The following ZMAT4 variants were observed in gnomAD, a reference collection of about 807,000 sequenced individuals.
The protein encoded by ZMAT4 is zinc finger matrin-type protein 4.
In ZMAT4, 17 loss-of-function variants were observed where a neutral mutation model predicts 28.7. The observed-to-expected ratio is 0.59, with a 90% CI of 0.41 to 0.89. The LOEUF (loss-of-function observed/expected upper bound fraction) is 0.89, where lower values mean the gene tolerates loss of function less well. Among genes scored for constraint, ZMAT4 ranks in the 40% least tolerant of loss-of-function variants. The pLI, the probability that ZMAT4 is intolerant of heterozygous loss-of-function variation, is 0.00. For missense variants in ZMAT4, 240 were observed against 283.8 expected, an observed-to-expected ratio of 0.85 and a Z score of 1.11; for synonymous variants, 117 against 109.2, an observed-to-expected ratio of 1.07 and a Z score of -0.44.
At chr8:40,764,826 A>ATAT (rs1000259502) in intron 3 of ZMAT4, among the ~76,000 whole-genome samples, 5 of 151,872 alleles carry the variant, frequency 3.3e-5, no homozygotes, top group African/African-American at 9.7e-5. Context: ...TATACCTTCG[A>ATAT]TATTATTATT....
intron 6 of ZMAT4, among the ~76,000 whole-genome samples, chr8:40,533,525 G>T (rs1322887451): frequency 6.6e-6 from 1 of 152,156 alleles, no homozygotes; most frequent in Non-Finnish European, 1.5e-5. Flanking sequence ...TGTCTCACTG[G>T]CAGTCTGGTA....
chr8:40,565,493 A>G (rs1351151733), intron 6 of ZMAT4, among the ~76,000 whole-genome samples: 2 of 149,990 alleles, frequency 1.3e-5, no homozygotes, highest in African/African-American at 4.9e-5. Context: ...TCTCCTGCCT[A>G]AGGCTCATGA....
chr8:40,666,471 C>G (rs973805772), intron 5 of ZMAT4, among the ~76,000 whole-genome samples: 1 of 151,832 alleles, frequency 6.6e-6, no homozygotes, highest in Non-Finnish European at 1.5e-5. Context: ...ATTTGATTTG[C>G]TACTTGAAGC....
intron 2 of ZMAT4, among the ~76,000 whole-genome samples, chr8:40,812,472 G>A (rs1157401090): frequency 6.6e-6 from 1 of 152,164 alleles, no homozygotes; most frequent in Non-Finnish European, 1.5e-5. Flanking sequence ...TATTGTCAAG[G>A]TCATCCAAAA....
intron 3 of ZMAT4, among the ~76,000 whole-genome samples, chr8:40,759,121 A>C (rs1321773259): frequency 6.6e-6 from 1 of 151,954 alleles, no homozygotes; most frequent in Admixed American, 6.6e-5. Flanking sequence ...GTCTCTACTA[A>C]AATTACAAAA....
intron 5 of ZMAT4, among the ~76,000 whole-genome samples, chr8:40,633,324 C>T (rs985056295): frequency 6.6e-6 from 1 of 152,152 alleles, no homozygotes; most frequent in African/African-American, 2.4e-5. Context: ...AGAGTTCTCC[C>T]AGGGCAGAAA....
chr8:40,822,006 T>G (rs912723999), intron 2 of ZMAT4, among the ~76,000 whole-genome samples: 16 of 152,248 alleles, frequency 1.1e-4, no homozygotes, highest in Non-Finnish European at 1.9e-4. Flanking sequence ...TAAATGATGC[T>G]TCCCTCTTTT....
At chr8:40,654,252 G>A (rs1010206106) in intron 5 of ZMAT4, among the ~76,000 whole-genome samples, 3 of 152,100 alleles carry the variant, frequency 2.0e-5, no homozygotes, top group African/African-American at 7.2e-5. Flanking sequence ...ATACAGTCAA[G>A]TCCCCTCTCT....
At chr8:40,847,001 G>A (rs1816925830) in intron 1 of ZMAT4, among the ~76,000 whole-genome samples, 1 of 152,124 alleles carries the variant, frequency 6.6e-6, no homozygotes, top group Non-Finnish European at 1.5e-5. Flanking sequence ...GAGGTCAGGA[G>A]TTCGAGACCA....
intron 6 of ZMAT4, among the ~76,000 whole-genome samples, chr8:40,561,976 C>T (rs1024003540): frequency 1.3e-5 from 2 of 152,162 alleles, no homozygotes; most frequent in African/African-American, 4.8e-5. Flanking sequence ...CAGACACACA[C>T]CTCCTAGTGG....
intron 3 of ZMAT4, among the ~76,000 whole-genome samples, chr8:40,714,399 A>T (rs1349875144): frequency 6.6e-6 from 1 of 152,188 alleles, no homozygotes; most frequent in Non-Finnish European, 1.5e-5. Flanking sequence ...TTCATGTTTA[A>T]TTAACTGTGG....
intron 2 of ZMAT4, among the ~76,000 whole-genome samples, chr8:40,801,352 A>AAATATATATATATATATATATATATG (rs774919666): frequency 6.9e-5 from 5 of 72,144 alleles, no homozygotes; most frequent in African/African-American, 2.3e-4. Context: ...AAAAAAAAAA[A>AAATATATATATATATATATATATATG]TATATATATA....
intron 3 of ZMAT4, among the ~76,000 whole-genome samples, chr8:40,740,745 G>A (rs868384184): frequency 1.1e-4 from 17 of 152,294 alleles, no homozygotes; most frequent in Middle Eastern, 3.4e-3. Context: ...GGAGCCTTGT[G>A]AAAAATCTGT....
At chr8:40,545,021 C>T (rs1303272405) in intron 6 of ZMAT4, among the ~76,000 whole-genome samples, 1 of 152,032 alleles carries the variant, frequency 6.6e-6, no homozygotes, top group Non-Finnish European at 1.5e-5. Context: ...CCTCTTTTGC[C>T]CTCTTGCTTG....
intron 5 of ZMAT4, among the ~76,000 whole-genome samples, chr8:40,632,890 G>C (rs1265550302): frequency 6.6e-6 from 1 of 152,208 alleles, no homozygotes; most frequent in Non-Finnish European, 1.5e-5. Flanking sequence ...ATGTGATGTA[G>C]TGGTGTTGTG....
At chr8:40,601,473 G>GAAAGAAA (rs1563360009) in intron 5 of ZMAT4, among the ~76,000 whole-genome samples, 2 of 76,988 alleles carry the variant, frequency 2.6e-5, no homozygotes, top group Non-Finnish European at 5.8e-5. Context: ...AGAAAGGAAA[G>GAAAGAAA]AAAGAAAGAA....
At chr8:40,786,184 T>C (rs1814070303) in intron 2 of ZMAT4, among the ~76,000 whole-genome samples, 1 of 152,216 alleles carries the variant, frequency 6.6e-6, no homozygotes, top group South Asian at 2.1e-4. Context: ...AAGGGGGTGA[T>C]GTGTTGATTC....
intron 3 of ZMAT4, among the ~76,000 whole-genome samples, chr8:40,736,746 T>TG (rs1463948531): frequency 6.6e-6 from 1 of 152,158 alleles, no homozygotes; most frequent in African/African-American, 2.4e-5. Context: ...AACAGTCCTC[T>TG]GGCAGTCTGT....
chr8:40,799,288 G>T (rs1814736105), intron 2 of ZMAT4, among the ~76,000 whole-genome samples: 1 of 152,182 alleles, frequency 6.6e-6, no homozygotes, highest in African/African-American at 2.4e-5. Flanking sequence ...GAGAAAGAGA[G>T]ACAGATAGAT....
Sources: gnomAD v4.1 joint callset for allele counts (sites outside exome capture counted in the v4.1 genomes callset) on GRCh38, gnomAD v4.1.1 for gene constraint, MANE v1.5 for transcripts, NCBI Gene and HGNC (gene_info 2026-07-23, HGNC 2026-07-21) for gene names.